Variants in SRPK2 observed in about 807,000 individuals in gnomAD.
SRPK2 encodes SFRS protein kinase 2.
SRPK2 carries 21 observed loss-of-function variants against 90.8 expected under a neutral mutation model. The observed-to-expected ratio is 0.23, with a 90% CI of 0.16 to 0.33. The LOEUF (loss-of-function observed/expected upper bound fraction) is 0.33. SRPK2 is among the 10% of genes least tolerant of loss of function. The pLI is 1.00. For missense variants in SRPK2, 620 were observed against 869.0 expected (o/e 0.71, Z 3.60); for synonymous variants, 288 against 311.1 (o/e 0.93, Z 0.78).
At chr7:105,139,372 T>G (rs748442230) in intron 11 of SRPK2, among the ~76,000 whole-genome samples, 6 of 152,164 alleles carry the variant, frequency 3.9e-5, no homozygotes, top group African/African-American at 1.2e-4. Context: ...TTAGGAGGTA[T>G]GACTGGCAAA....
chr7:105,171,021 G>A (rs1791058744), intron 3 of SRPK2, among the ~76,000 whole-genome samples: 1 of 133,930 alleles, frequency 7.5e-6, no homozygotes, highest in South Asian at 2.4e-4. Context: ...AAGAGAGGAA[G>A]GAAGGAAGGA....
intron 2 of SRPK2, among the ~76,000 whole-genome samples, chr7:105,293,742 A>G (rs1290935512): frequency 2.0e-5 from 3 of 152,160 alleles, no homozygotes; most frequent in Admixed American, 6.5e-5. Context: ...TAGAGGTAAG[A>G]AAAGGAGGTG....
intron 2 of SRPK2, among the ~76,000 whole-genome samples, chr7:105,294,902 T>C (rs1293196537): frequency 6.6e-6 from 1 of 152,138 alleles, no homozygotes; most frequent in African/African-American, 2.4e-5. Context: ...TTGGCAAATA[T>C]TAGTTTTCTT....
chr7:105,344,146 A>C (rs1816165124), intron 2 of SRPK2, among the ~76,000 whole-genome samples: 2 of 152,118 alleles, frequency 1.3e-5, no homozygotes, highest in South Asian at 4.1e-4. Context: ...AAAATGGTGA[A>C]CCTTACAAAA....
intron 2 of SRPK2, among the ~76,000 whole-genome samples, chr7:105,366,855 T>C (rs1298397886): frequency 1.3e-5 from 2 of 152,208 alleles, no homozygotes; most frequent in Non-Finnish European, 2.9e-5. Context: ...TATCTTTAAA[T>C]GGCAGGCAAA....
At chr7:105,176,346 A>C (rs1791843350) in intron 3 of SRPK2, among the ~76,000 whole-genome samples, 2 of 152,214 alleles carry the variant, frequency 1.3e-5, no homozygotes, top group Admixed American at 6.5e-5. Context: ...AGATAACATC[A>C]GATTTAACTA....
intron 3 of SRPK2, among the ~76,000 whole-genome samples, chr7:105,197,738 AAAGGAAAGGGTCTGATT>A (rs1795092725): frequency 6.6e-6 from 1 of 152,192 alleles, no homozygotes; most frequent in Admixed American, 6.5e-5. Flanking sequence ...CGTGGGTAAT[AAAGGAAAGGGTCTGATT>A]AGAGGTCGAA....
At chr7:105,165,271 A>C (rs1241691661) in intron 6 of SRPK2, among the ~76,000 whole-genome samples, 3 of 152,152 alleles carry the variant, frequency 2.0e-5, no homozygotes, top group African/African-American at 7.2e-5. Context: ...CATCCACATA[A>C]CTTAGTAGCA....
At chr7:105,198,816 G>A (rs1795218315) in intron 3 of SRPK2, among the ~76,000 whole-genome samples, 1 of 152,120 alleles carries the variant, frequency 6.6e-6, no homozygotes, top group Non-Finnish European at 1.5e-5. Flanking sequence ...TATCATAGAT[G>A]AAAAACCAAA....
At chr7:105,143,045 T>C (rs1165788055) in intron 10 of SRPK2, 39 bp downstream of exon 10, 1 of 1,600,978 alleles carries the variant, frequency 6.2e-7, no homozygotes, top group South Asian at 1.1e-5. Context: ...AATGGAGCTC[T>C]GAGAACCCCA....
chr7:105,246,014 A>T (rs755960903), intron 2 of SRPK2, among the ~76,000 whole-genome samples: 1 of 152,234 alleles, frequency 6.6e-6, no homozygotes, highest in Non-Finnish European at 1.5e-5. Flanking sequence ...AGCCTGGCAG[A>T]GAGAGGATAA....
chr7:105,118,117 C>T, intron 15 of SRPK2, 95 bp from the exon 16 acceptor site: 1 of 1,280,646 alleles, frequency 7.8e-7, no homozygotes, highest in Non-Finnish European at 1.1e-6. Flanking sequence ...AGCGGACAAC[C>T]ACCTGCTCAA....
intron 2 of SRPK2, chr7:105,245,008 C>T: frequency 1.3e-6 from 1 of 782,614 alleles, no homozygotes; most frequent in Admixed American, 2.1e-5. Context: ...TAAAGAACAG[C>T]TTGAGAGGAA....
chr7:105,310,048 T>A lies in SRPK2; in HGVS notation c.71+78600A>T, dbSNP rs138285025. 2.9e-4 allele frequency among the ~76,000 whole-genome samples: 44 copies of A among 152,136 alleles called. No individual in the cohort carries two copies. In the East Asian group the frequency reaches 7.9e-3, roughly 27 times the overall value. ...GGAAATCCTCCCTCTGGGGGTGAGA[T>A]CTGATATGAGTCCTAGTAGGTCTAA... On this transcript the variant is annotated intron_variant, in intron 2 of 15. Coordinates refer to ENST00000393651, the MANE Select transcript of SRPK2 (RefSeq NM_182692.3).
At chr7:105,368,199 T>G (rs1563296082) in intron 2 of SRPK2, among the ~76,000 whole-genome samples, 1 of 152,156 alleles carries the variant, frequency 6.6e-6, no homozygotes, top group Non-Finnish European at 1.5e-5. Context: ...TAAAAAAAGT[T>G]TTTAAAGCTA....
chr7:105,281,162 T>C (rs958401324), intron 2 of SRPK2, among the ~76,000 whole-genome samples: 10 of 151,608 alleles, frequency 6.6e-5, no homozygotes, highest in Non-Finnish European at 1.5e-4. Context: ...AGTAGCGCGA[T>C]CTCAGCTCAC....
chr7:105,233,199 T>A (rs900613601), intron 2 of SRPK2, among the ~76,000 whole-genome samples: 1 of 151,780 alleles, frequency 6.6e-6, no homozygotes, highest in Non-Finnish European at 1.5e-5. Context: ...CAATTAATAG[T>A]CTTTGATAGA....
rs566380679 is a variant in SRPK2, at chr7:105,185,550, A to AAAT, written c.230-16288_230-16286dup. Among the ~76,000 whole-genome samples the AAAT allele has an allele frequency of 2.1e-3, 326 of 152,194 alleles. 1 individual carries two copies. Among genetic ancestry groups the AAAT allele is most frequent in the African/African-American group, 7.5e-3 (312 of 41,546 alleles). ...GTGTATGTTACGTTCTCTTGTCAAA[A>AAAT]AATAATAATAATAATACACTGTAAA... On this transcript the variant is annotated intron_variant, in intron 3 of 15. Transcript: ENST00000393651.
chr7:105,173,770 A>G (rs975789572), intron 3 of SRPK2, among the ~76,000 whole-genome samples: 6 of 152,166 alleles, frequency 3.9e-5, no homozygotes, highest in African/African-American at 1.4e-4. Context: ...ACTGCTATGG[A>G]CCCTGCTAAT....
Sources: gnomAD v4.1 joint callset for allele counts (sites outside exome capture counted in the v4.1 genomes callset) on GRCh38, gnomAD v4.1.1 for gene constraint, MANE v1.5 for transcripts, NCBI Gene and HGNC (gene_info 2026-07-23, HGNC 2026-07-21) for gene names.